Variants in DHRS2 observed in about 807,000 individuals in gnomAD.
DHRS2 encodes the protein dehydrogenase/reductase 2, also known as dehydrogenase/reductase SDR family member 2, mitochondrial.
Under a neutral mutation model 26.3 loss-of-function variants are expected in DHRS2, and 29 were observed. The observed-to-expected ratio is 1.10, with a 90% CI of 0.82 to 1.50. The LOEUF (loss-of-function observed/expected upper bound fraction) is 1.50. DHRS2 is among the 40% of genes most tolerant of loss of function. DHRS2 has a pLI of 0.00. For synonymous variants in DHRS2, 164 were observed against 151.3 expected, an observed-to-expected ratio of 1.08 and a Z score of -0.62; for missense variants, 439 against 367.1, an observed-to-expected ratio of 1.20 and a Z score of -1.60.
chr14:23,638,630 C>T (rs1200205315), intron 1 of DHRS2, 197 bp from the exon 2 acceptor site: 5 of 494,350 alleles, frequency 1.0e-5, no homozygotes, highest in Non-Finnish European at 1.8e-5. Context: ...TGAATAATTT[C>T]CCCAGTTTTA....
chr14:23,645,085 C>T (rs905256556), intron 8 of DHRS2, 57 bp from the exon 9 acceptor site: 4 of 1,609,368 alleles, frequency 2.5e-6, no homozygotes, highest in African/African-American at 1.3e-5. Flanking sequence ...TCCGTGAGCC[C>T]CAGAGCAGCA....
intron 1 of DHRS2, among the ~76,000 whole-genome samples, chr14:23,630,963 A>T (rs1311497454): frequency 1.3e-5 from 2 of 152,224 alleles, no homozygotes; most frequent in East Asian, 3.8e-4. Flanking sequence ...TGAAGCCTCC[A>T]GGTAGTAGGC....
intron 1 of DHRS2, 104 bp downstream of exon 1, chr14:23,636,876 G>A (rs973875861): frequency 2.0e-4 from 30 of 152,188 alleles, no homozygotes; most frequent in Admixed American, 5.2e-4. Flanking sequence ...AGTGACTAGC[G>A]CAGCCGCTGG....
At position 23,639,262 on chromosome 14, in the gene DHRS2, G is replaced by A. The variant is rs147534556; in HGVS notation, c.224G>A (p.Arg75Gln). 47 of 1,612,754 alleles carry A rather than the reference G, an allele frequency of 2.9e-5. No homozygotes were observed. The highest frequency in any genetic ancestry group is 2.5e-4 in the South Asian group (23 of 90,844). ...AGCCGGAAGCAGCAGAACGTGGACC[G>A]GGCCATGGCCAAGCTGCAGGGGGAG... The part of the protein sequence containing the change: ...ISSRKQQNVD[R>Q]AMAKLQGEGL... The change falls in exon 3 of 9, where the codon CGG becomes CAG. Residue 75 changes from arginine to glutamine, a missense_variant. Arg to Gln is a conservative substitution (Grantham distance 43). Coordinates refer to ENST00000250383, the MANE Select transcript of DHRS2 (RefSeq NM_005794.4).
chr14:23,644,451 C>G lies in DHRS2; in HGVS notation c.583C>G (p.Leu195Val). 3 of 1,614,220 alleles carry G rather than the reference C, an allele frequency of 1.9e-6. No individual in the cohort carries two copies. The highest frequency in any genetic ancestry group is 2.5e-6 in the Non-Finnish European group (3 of 1,180,048). Residue 195 changes from leucine (L) to valine (V), a missense_variant, in exon 7 of 9, where the codon CTC becomes GTC. Leu to Val is a conservative substitution (Grantham distance 32). Coordinates refer to ENST00000250383, the MANE Select transcript of DHRS2 (RefSeq NM_005794.4). ...TGTCAGCAAGACAGCGCTGCTGGGT[C>G]TCACTAGAACACTGGCATTGGAGCT... ...YNVSKTALLG[L>V]TRTLALELAP...
chr14:23,633,267 G>A (rs1890172998), upstream of DHRS2, among the ~76,000 whole-genome samples: 1 of 152,204 alleles, frequency 6.6e-6, no homozygotes. Context: ...CCACACAGCA[G>A]CCTGGATGTC....
intron 1 of DHRS2, among the ~76,000 whole-genome samples, chr14:23,637,300 A>AGC (rs1890359976): frequency 1.3e-5 from 2 of 152,098 alleles, no homozygotes; most frequent in African/African-American, 4.8e-5. Context: ...GGACTCTGTT[A>AGC]CCTTCTTTAG....
chr14:23,642,820 G>A (rs573048705), intron 4 of DHRS2: 1 of 221,512 alleles, frequency 4.5e-6, no homozygotes, highest in Non-Finnish European at 9.1e-6. Context: ...CTCCCACCTT[G>A]GCCTCCTAAA....
chr14:23,644,032 C>A, intron 5 of DHRS2, 79 bp from the exon 6 acceptor site: 5 of 1,416,088 alleles, frequency 3.5e-6, no homozygotes, highest in East Asian at 2.3e-5. Context: ...AGGGTTGCAT[C>A]ATTTAATGAA....
chr14:23,643,982 C>CT, intron 5 of DHRS2, 129 bp from the exon 6 acceptor site: 4 of 944,378 alleles, frequency 4.2e-6, no homozygotes, highest in Non-Finnish European at 6.9e-6. Flanking sequence ...TTTCTGAACT[C>CT]TGAGATGGGG....
In DHRS2 at chr14:23,645,405, A is replaced by G. The variant is rs970931671; in HGVS notation, c.*152A>G. 7 of 1,491,164 alleles carry G rather than the reference A, an allele frequency of 4.7e-6. No individual in the cohort carries two copies. In the African/African-American group the frequency reaches 7.0e-5, roughly 15 times the overall value. The allele number at this position is 1,491,164 out of a possible 1,614,324, so 92.4% of individuals were successfully genotyped here. A position where few individuals can be genotyped will look rare whatever the true frequency, so the allele number is the denominator to read the frequency against. ...ATGCTAGGCTTGAGGAAGAAGAAAA[A>G]CGCTTCGGCATTCTCCTTAGGACTT... On this transcript the variant is annotated 3_prime_UTR_variant, in exon 9 of 9. Coordinates refer to ENST00000250383, the MANE Select transcript of DHRS2 (RefSeq NM_005794.4).
upstream of DHRS2, among the ~76,000 whole-genome samples, chr14:23,636,098 G>A (rs1890267930): frequency 6.6e-6 from 1 of 152,170 alleles, no homozygotes; most frequent in Non-Finnish European, 1.5e-5. Flanking sequence ...TCAGCAATCT[G>A]TGTCTAGCCA....
At chr14:23,634,725 A>C (rs1890220290), upstream of DHRS2, among the ~76,000 whole-genome samples, 1 of 152,164 alleles carries the variant, frequency 6.6e-6, no homozygotes, top group African/African-American at 2.4e-5. Context: ...GATATGGTTT[A>C]GGTCTGTGTC....
upstream of DHRS2, among the ~76,000 whole-genome samples, chr14:23,632,930 T>G (rs2138355839): frequency 6.6e-6 from 1 of 152,290 alleles, no homozygotes; most frequent in East Asian, 1.9e-4. Flanking sequence ...CCCTGCTAAC[T>G]AACCCCTTGC....
At chr14:23,634,059 CTTTT>C (rs58045171), upstream of DHRS2, among the ~76,000 whole-genome samples, 10 of 82,448 alleles carry the variant, frequency 1.2e-4, no homozygotes, top group African/African-American at 4.3e-4. Context: ...TTTGCCCCTT[CTTTT>C]TTTTTTTTTT....
chr14:23,632,824 C>G (rs773547284), upstream of DHRS2, among the ~76,000 whole-genome samples: 1 of 152,200 alleles, frequency 6.6e-6, no homozygotes, highest in Non-Finnish European at 1.5e-5. Flanking sequence ...TCACATCTGT[C>G]GGCCCCTTGG....
upstream of DHRS2, chr14:23,636,219 C>CA (rs1387330131): frequency 6.6e-6 from 1 of 152,158 alleles, no homozygotes; most frequent in Non-Finnish European, 1.5e-5. Flanking sequence ...AGCACTCTGT[C>CA]AAAACGGACC....
chr14:23,642,747 T>G lies in DHRS2; in HGVS notation c.421-405T>G, dbSNP rs990485172. On this transcript the variant is annotated intron_variant, in intron 4 of 8. Transcript: ENST00000250383. ...ACACCAGGCCAATTATTTAAAAATCTTGTAGAGACAAGGTCTCACTATGTT... is the reference window on the plus strand; with the variant it reads ...ACACCAGGCCAATTATTTAAAAATCGTGTAGAGACAAGGTCTCACTATGTT... 1.9e-4 allele frequency: 34 copies of G among 176,016 alleles called. 2 individuals carry two copies. Among genetic ancestry groups the G allele is most frequent in the African/African-American group, 2.4e-5 (1 of 42,046 alleles). 10.9% of individuals were successfully genotyped at this position (176,016 alleles called of 1,614,324 possible).
intron 5 of DHRS2, 24 bp from the exon 6 acceptor site, chr14:23,644,087 T>C: frequency 6.2e-7 from 1 of 1,613,508 alleles, no homozygotes; most frequent in Non-Finnish European, 8.5e-7. Flanking sequence ...AGCTTCAGCT[T>C]CTCTTATGTT....
Sources: gnomAD v4.1 joint callset for allele counts (sites outside exome capture counted in the v4.1 genomes callset) on GRCh38, gnomAD v4.1.1 for gene constraint, MANE v1.5 for transcripts, NCBI Gene and HGNC (gene_info 2026-07-23, HGNC 2026-07-21) for gene names.